The following SH3RF1 variants were observed in gnomAD, a reference collection of about 807,000 sequenced individuals.
SH3RF1 encodes E3 ubiquitin-protein ligase SH3RF1.
In SH3RF1, 32 loss-of-function variants were observed where a neutral mutation model predicts 74.0. The observed-to-expected ratio is 0.43, with a 90% CI of 0.33 to 0.58. The LOEUF is 0.58. Ranked by LOEUF, SH3RF1 falls within the 20% of genes least tolerant of loss-of-function variation. The pLI is 0.05. For synonymous variants in SH3RF1, 396 were observed against 439.6 expected (o/e 0.90, Z 1.24); for missense variants, 954 against 1,130.9 (o/e 0.84, Z 2.24).
intron 2 of SH3RF1, among the ~76,000 whole-genome samples, chr4:169,237,344 T>C (rs1258207697): frequency 6.6e-6 from 1 of 152,172 alleles, no homozygotes; most frequent in Non-Finnish European, 1.5e-5. Flanking sequence ...TGGGGGACAA[T>C]TAAAGCTGAT....
chr4:169,170,782 T>C (rs1014772256), intron 2 of SH3RF1, among the ~76,000 whole-genome samples: 12 of 152,220 alleles, frequency 7.9e-5, no homozygotes, highest in African/African-American at 2.9e-4. Flanking sequence ...CTGTCTGATC[T>C]GTCTGAAATA....
intron 10 of SH3RF1, among the ~76,000 whole-genome samples, chr4:169,112,514 T>C (rs1400279448): frequency 6.6e-6 from 1 of 152,210 alleles, no homozygotes. Context: ...AAAGGGAAGA[T>C]GCTTCAAGAG....
At chr4:169,191,110 A>G (rs1734698977) in intron 2 of SH3RF1, among the ~76,000 whole-genome samples, 1 of 152,180 alleles carries the variant, frequency 6.6e-6, no homozygotes, top group African/African-American at 2.4e-5. Flanking sequence ...ACCCACAGCC[A>G]ACATAATACT....
At chr4:169,176,157 T>C (rs377206755) in intron 2 of SH3RF1, among the ~76,000 whole-genome samples, 1 of 152,092 alleles carries the variant, frequency 6.6e-6, no homozygotes, top group South Asian at 2.1e-4. Flanking sequence ...CTGTGAGAAA[T>C]AAATCTCTGT....
At chr4:169,200,054 CA>C (rs143810109) in intron 2 of SH3RF1, among the ~76,000 whole-genome samples, 50 of 150,168 alleles carry the variant, frequency 3.3e-4, no homozygotes, top group Non-Finnish European at 8.9e-5. Flanking sequence ...GGACTCCATC[CA>C]AAAAAAAGGA....
intron 2 of SH3RF1, among the ~76,000 whole-genome samples, chr4:169,197,671 T>C (rs906727859): frequency 1.3e-5 from 2 of 151,792 alleles, no homozygotes; most frequent in African/African-American, 2.4e-5. Context: ...TTTGTTGTTA[T>C]ATGTCTTATA....
At chr4:169,164,439 T>C (rs1237756897) in intron 2 of SH3RF1, among the ~76,000 whole-genome samples, 1 of 152,218 alleles carries the variant, frequency 6.6e-6, no homozygotes, top group Non-Finnish European at 1.5e-5. Context: ...TTTATGTGTC[T>C]CTGGGAACTC....
At chr4:169,268,735 C>T (rs941982408) in intron 2 of SH3RF1, 85 bp downstream of exon 2, 1 of 1,454,528 alleles carries the variant, frequency 6.9e-7, no homozygotes, top group South Asian at 1.4e-5. Context: ...AATGAGTTGA[C>T]TTCGAAAACA....
rs1561039366 is a variant in SH3RF1, at chr4:169,156,642, T to G, written c.431A>C (p.Asn144Thr). The G allele has an allele frequency of 6.2e-7, 1 of 1,613,810 alleles. No homozygotes were observed. The highest frequency in any genetic ancestry group is 2.2e-5 in the East Asian group (1 of 44,876). The change falls in exon 3 of 12, where the codon AAC (asparagine) becomes ACC (threonine). Residue 144 changes from asparagine (N) to threonine (T), a missense_variant. Physicochemically the swap from Asn to Thr is moderately conservative, Grantham distance 65. Coordinates refer to ENST00000284637, the MANE Select transcript of SH3RF1 (RefSeq NM_020870.4). ...GTCTCCAGGCTCTTTTCCTTCATAG[T>G]TGTATAATGCTTTGGCACATGGTAA... ...PQLPCAKALYNYEGKEPGDLK... is the reference protein window; with the variant it reads ...PQLPCAKALYTYEGKEPGDLK...
intron 2 of SH3RF1, among the ~76,000 whole-genome samples, chr4:169,208,074 C>A (rs1730291191): frequency 6.6e-6 from 1 of 151,968 alleles, no homozygotes; most frequent in Non-Finnish European, 1.5e-5. Flanking sequence ...CACTAGGTAA[C>A]ATGAAACATA....
intron 2 of SH3RF1, among the ~76,000 whole-genome samples, chr4:169,254,173 G>A (rs1507166): frequency 0.95 from 144,282 of 152,292 alleles, 68,835 homozygotes; most frequent in East Asian, 1. Context: ...AATGTGTTCC[G>A]ATGGACCTTG....
intron 2 of SH3RF1, among the ~76,000 whole-genome samples, chr4:169,167,900 G>A (rs968435243): frequency 6.6e-6 from 1 of 152,092 alleles, no homozygotes; most frequent in Non-Finnish European, 1.5e-5. Context: ...ACACTGGAAG[G>A]CCAAGGTGGT....
intron 11 of SH3RF1, among the ~76,000 whole-genome samples, chr4:169,106,252 A>C (rs993995546): frequency 1.3e-5 from 2 of 151,924 alleles, no homozygotes; most frequent in Admixed American, 6.6e-5. Flanking sequence ...AGCTGGGATT[A>C]CAGGGACTCG....
Position 169,269,174 on chromosome 4 carries a change from C to T in SH3RF1, c.39G>A (p.Pro13=), listed in dbSNP as rs1731404112. 1 of 1,605,010 alleles carries T rather than the reference C, an allele frequency of 6.2e-7. No individual in the cohort carries two copies. Among genetic ancestry groups the T allele is most frequent in the African/African-American group, 1.3e-5 (1 of 74,742 alleles). ...AAGCATCAAGGCGCTCTAGACACAC[C>T]GGACACTCCAAAAGATCCAACAAGG... ...ESALLDLLEC[P]VCLERLDASA... is the part of the protein sequence containing the mutation. The change falls in exon 2 of 12, where the codon CCG becomes CCA. Residue 13 remains proline (P), a synonymous_variant. Coordinates refer to ENST00000284637, the MANE Select transcript of SH3RF1 (RefSeq NM_020870.4).
intron 2 of SH3RF1, among the ~76,000 whole-genome samples, chr4:169,162,032 T>A (rs947256533): frequency 2.0e-5 from 3 of 151,948 alleles, no homozygotes; most frequent in Admixed American, 6.6e-5. Context: ...GTACAAAAAT[T>A]AGCACGGTGG....
chr4:169,177,703 A>G (rs1734443223), intron 2 of SH3RF1, among the ~76,000 whole-genome samples: 1 of 152,210 alleles, frequency 6.6e-6, no homozygotes, highest in African/African-American at 2.4e-5. Context: ...AAATGTGTTT[A>G]AATATCTATA....
At chr4:169,147,057 A>G (rs533962398) in intron 4 of SH3RF1, among the ~76,000 whole-genome samples, 31 of 152,348 alleles carry the variant, frequency 2.0e-4, no homozygotes, top group African/African-American at 5.5e-4. Flanking sequence ...ACAGATGTAC[A>G]GTCTATTCAT....
intron 2 of SH3RF1, among the ~76,000 whole-genome samples, chr4:169,168,679 T>C (rs1402901606): frequency 6.6e-6 from 1 of 152,254 alleles, no homozygotes; most frequent in Non-Finnish European, 1.5e-5. Context: ...CAGTGGATTA[T>C]GATATCTTTC....
At chr4:169,237,166 GT>G (rs1431572490) in intron 2 of SH3RF1, among the ~76,000 whole-genome samples, 2 of 152,206 alleles carry the variant, frequency 1.3e-5, no homozygotes, top group Non-Finnish European at 2.9e-5. Context: ...CTGACGTCTA[GT>G]AAGTGGGAAT....
Sources: gnomAD v4.1 joint callset for allele counts (sites outside exome capture counted in the v4.1 genomes callset) on GRCh38, gnomAD v4.1.1 for gene constraint, MANE v1.5 for transcripts, NCBI Gene and HGNC (gene_info 2026-07-23, HGNC 2026-07-21) for gene names.